ABCC3: variants seen among roughly 807,000 people sequenced by gnomAD.
ABCC3 encodes ATP-binding cassette sub-family C member 3.
A neutral mutation model predicts 165.3 loss-of-function variants in ABCC3; 121 were observed. The ratio of observed to expected loss-of-function variants is 0.73; its 90% CI spans 0.63 to 0.85. The LOEUF (loss-of-function observed/expected upper bound fraction) is 0.85. Ranked by LOEUF, ABCC3 falls within the 40% of genes least tolerant of loss-of-function variation. ABCC3 has a pLI of 0.00. For missense variants in ABCC3, 1,869 were observed against 1,964.1 expected (o/e 0.95, Z 0.92); for synonymous variants, 733 against 810.1 (o/e 0.90, Z 1.62).
chr17:50,669,331 GTAAATTTCT>G lies in ABCC3; in HGVS notation c.2065-20_2065-12del, dbSNP rs755471193. 1 of 1,614,202 alleles carries G rather than the reference GTAAATTTCT, an allele frequency of 6.2e-7. No homozygotes were observed. Among genetic ancestry groups the G allele is most frequent in the Non-Finnish European group, 8.5e-7 (1 of 1,180,022 alleles). The stretch of plus-strand genomic sequence containing the variant: ...AGCCAGGCCTTGGGCAAGCCCCGAG[GTAAATTTCT>G]CCTGTGGCCAGGGCTCCGTGGCCTA... On this transcript the variant is annotated splice_polypyrimidine_tract_variant and intron_variant, in intron 16 of 30. Transcript: ENST00000285238.
intron 23 of ABCC3, among the ~76,000 whole-genome samples, chr17:50,677,290 G>C (rs975741092): frequency 2.0e-5 from 3 of 152,188 alleles, no homozygotes; most frequent in South Asian, 2.1e-4. Context: ...GTTTAACATA[G>C]ATGAGTTGAT....
rs765906864 is a variant in ABCC3 at position 50,672,974 on chromosome 17, A to C, written c.2245A>C (p.Ile749Leu). Residue 749 changes from isoleucine to leucine, a missense_variant, in exon 18 of 31, where the codon ATT (isoleucine) becomes CTT (leucine). Coordinates refer to ENST00000285238, the MANE Select transcript of ABCC3 (RefSeq NM_003786.4). ...CCCACCCCCCGCCTCCCTCCAGGGCATTAACCTGTCTGGGGGCCAGCGGCA... is the reference window on the plus strand; with the variant it reads ...CCCACCCCCCGCCTCCCTCCAGGGCCTTAACCTGTCTGGGGGCCAGCGGCA... ...GDQTEIGEKG[I>L]NLSGGQRQRV... 7.1e-5 allele frequency: 115 copies of C among 1,613,320 alleles called. No individual in the cohort carries two copies. Among genetic ancestry groups the C allele is most frequent in the Non-Finnish European group, 9.4e-5 (111 of 1,179,874 alleles).
intron 14 of ABCC3, 91 bp from the exon 15 acceptor site, chr17:50,668,762 C>A: frequency 9.1e-7 from 1 of 1,097,176 alleles, no homozygotes; most frequent in Admixed American, 1.9e-5. Context: ...GGCTCCTCCC[C>A]TGTCCTCCTT....
chr17:50,645,726 T>C (rs534680193), intron 1 of ABCC3, among the ~76,000 whole-genome samples: 25 of 152,232 alleles, frequency 1.6e-4, no homozygotes, highest in African/African-American at 5.8e-4. Context: ...TTAGCCTCCA[T>C]GTAACTGGGA....
intron 11 of ABCC3, among the ~76,000 whole-genome samples, chr17:50,666,157 T>C (rs1171900347): frequency 6.6e-6 from 1 of 152,052 alleles, no homozygotes; most frequent in East Asian, 1.9e-4. Context: ...CTCCTTTCCT[T>C]CCCTTACCTC....
At chr17:50,681,454 G>A (rs1195794248) in intron 26 of ABCC3, among the ~76,000 whole-genome samples, 6 of 151,818 alleles carry the variant, frequency 4.0e-5, no homozygotes, top group Non-Finnish European at 7.4e-5. Context: ...CCTCAGTCCC[G>A]CCCTCCATCT....
intron 1 of ABCC3, among the ~76,000 whole-genome samples, chr17:50,639,614 T>G (rs1479258503): frequency 6.6e-6 from 1 of 152,088 alleles, no homozygotes; most frequent in Non-Finnish European, 1.5e-5. Context: ...AAATGAGACC[T>G]GGTATGCCAT....
chr17:50,651,493 C>T (rs1967115224), intron 1 of ABCC3, among the ~76,000 whole-genome samples: 1 of 152,142 alleles, frequency 6.6e-6, no homozygotes, highest in African/African-American at 2.4e-5. Flanking sequence ...GAGGCTGAGG[C>T]AGGTGGAACA....
chr17:50,639,500 A>G (rs543163910), intron 1 of ABCC3, among the ~76,000 whole-genome samples: 1 of 152,238 alleles, frequency 6.6e-6, no homozygotes, highest in South Asian at 2.1e-4. Flanking sequence ...GGGAGGAAGG[A>G]CTTGGCAGGG....
chr17:50,660,011 A>G (rs1414367527), intron 7 of ABCC3, among the ~76,000 whole-genome samples: 1 of 152,138 alleles, frequency 6.6e-6, no homozygotes, highest in Non-Finnish European at 1.5e-5. Flanking sequence ...AGATGGAGAC[A>G]CCGAAGCACA....
At chr17:50,638,712 A>G (rs1470908334) in intron 1 of ABCC3, among the ~76,000 whole-genome samples, 1 of 152,136 alleles carries the variant, frequency 6.6e-6, no homozygotes, top group Non-Finnish European at 1.5e-5. Flanking sequence ...TTGTTCCCTT[A>G]GCTGTTTACC....
rs1025582527 is a variant in ABCC3 at position 50,641,109 on chromosome 17, C to T, written c.45+6128C>T. Among the ~76,000 whole-genome samples, 5 of 152,340 alleles carry T rather than the reference C, an allele frequency of 3.3e-5. No homozygotes were observed. The South Asian group carries it at 6.2e-4, about 19-fold the overall frequency. On this transcript the variant is annotated intron_variant, in intron 1 of 30. Transcript: ENST00000285238. Reference sequence around the variant, plus strand: ...AGAGGGCTCCGGGGTCCTCACCCCCCGCCCCCATCGCCTGTATGAGTCTGC... The same window carrying T: ...AGAGGGCTCCGGGGTCCTCACCCCCTGCCCCCATCGCCTGTATGAGTCTGC...
At chr17:50,643,853 G>T (rs903282851) in intron 1 of ABCC3, among the ~76,000 whole-genome samples, 8 of 152,118 alleles carry the variant, frequency 5.3e-5, no homozygotes, top group Admixed American at 6.6e-5. Context: ...CCATGGGGGG[G>T]GTCTTGAGGA....
chr17:50,637,030 C>T (rs567220027), intron 1 of ABCC3, among the ~76,000 whole-genome samples: 7 of 152,314 alleles, frequency 4.6e-5, no homozygotes, highest in Non-Finnish European at 5.9e-5. Flanking sequence ...CCCTCTGGCC[C>T]GCGCACTTCT....
intron 6 of ABCC3, among the ~76,000 whole-genome samples, chr17:50,658,984 C>T (rs572249689): frequency 6.6e-6 from 1 of 152,142 alleles, no homozygotes; most frequent in Admixed American, 6.5e-5. Flanking sequence ...TCACCAGGGC[C>T]TGGGGTGGGG....
Position 50,675,737 on chromosome 17 carries a change from G to A in ABCC3, c.2821G>A (p.Gly941Arg). ...GCAGGTGACAGAGGCGAAGGCAGAT[G>A]GGGCACTGACCCAGGAGGAGAAAGC... is the stretch of plus-strand genomic sequence containing the variant. ...KVQVTEAKAD[G>R]ALTQEEKAAI... Residue 941 changes from glycine (G) to arginine (R), a missense_variant, in exon 21 of 31, where the codon GGG becomes AGG. Physicochemically the swap from Gly to Arg is moderately radical, Grantham distance 125. Coordinates refer to ENST00000285238, the MANE Select transcript of ABCC3 (RefSeq NM_003786.4). The A allele has an allele frequency of 6.4e-7, 1 of 1,563,608 alleles. No individual in the cohort carries two copies. Among genetic ancestry groups the A allele is most frequent in the South Asian group, 1.2e-5 (1 of 85,234 alleles).
chr17:50,673,335 A>AT, intron 18 of ABCC3, 134 bp from the exon 19 acceptor site: 3 of 1,279,022 alleles, frequency 2.3e-6, no homozygotes, highest in Non-Finnish European at 3.2e-6. Context: ...TGGCGAGCAC[A>AT]GGGTGAGTCA....
chr17:50,676,134 T>G, intron 22 of ABCC3, 44 bp downstream of exon 22: 1 of 1,610,050 alleles, frequency 6.2e-7, no homozygotes, highest in Non-Finnish European at 8.5e-7. Flanking sequence ...ATATCCCTTC[T>G]TCTCTGGGCT....
intron 17 of ABCC3, among the ~76,000 whole-genome samples, chr17:50,672,247 CACGTA>C (rs1967664010): frequency 6.6e-6 from 1 of 152,222 alleles, no homozygotes. Context: ...CTAGGTACCT[CACGTA>C]AGTGGAATCA....
Sources: allele counts gnomAD v4.1 joint callset (sites outside exome capture counted in the v4.1 genomes callset), GRCh38; gene constraint gnomAD v4.1.1; transcripts MANE v1.5; gene names NCBI Gene and HGNC (gene_info 2026-07-23, HGNC 2026-07-21).